PTPRD: variants seen among roughly 807,000 people sequenced by gnomAD.
PTPRD encodes the protein protein tyrosine phosphatase receptor type D, also known as receptor-type tyrosine-protein phosphatase delta.
PTPRD carries 34 observed loss-of-function variants against 214.5 expected under a neutral mutation model. That is an observed-to-expected ratio of 0.16 (90% CI 0.12 to 0.21). The LOEUF (loss-of-function observed/expected upper bound fraction) is 0.21. Ranked by LOEUF, PTPRD falls within the 10% of genes least tolerant of loss-of-function variation. PTPRD has a pLI of 1.00. For missense variants in PTPRD, 2,545 were observed against 2,398.7 expected, an observed-to-expected ratio of 1.06 and a Z score of -1.27; for synonymous variants, 1,128 against 845.7, an observed-to-expected ratio of 1.33 and a Z score of -5.79.
intron 9 of PTPRD, among the ~76,000 whole-genome samples, chr9:9,339,670 A>G (rs1296722808): frequency 6.6e-6 from 1 of 152,204 alleles, no homozygotes; most frequent in Non-Finnish European, 1.5e-5. Flanking sequence ...CTTAATTACC[A>G]AGAAACACTT....
intron 10 of PTPRD, among the ~76,000 whole-genome samples, chr9:9,047,946 T>C (rs2099676302): frequency 6.6e-6 from 1 of 151,824 alleles, no homozygotes; most frequent in Non-Finnish European, 1.5e-5. Flanking sequence ...AAAAGAAACC[T>C]CACAGAATGG....
intron 2 of PTPRD, among the ~76,000 whole-genome samples, chr9:10,453,192 C>G (rs1472871783): frequency 6.6e-6 from 1 of 151,676 alleles, no homozygotes; most frequent in Non-Finnish European, 1.5e-5. Context: ...TGTTTTCATA[C>G]CAATACCATA....
intron 19 of PTPRD, among the ~76,000 whole-genome samples, chr9:8,522,739 T>C (rs768003971): frequency 9.2e-5 from 14 of 152,174 alleles, no homozygotes; most frequent in Admixed American, 2.6e-4. Context: ...GAAAGATAAA[T>C]TGGTTTCATC....
At chr9:9,032,481 A>T (rs1044012405) in intron 10 of PTPRD, among the ~76,000 whole-genome samples, 2 of 152,010 alleles carry the variant, frequency 1.3e-5, no homozygotes, top group Non-Finnish European at 2.9e-5. Context: ...ATGGAGCAAA[A>T]ATAATTATGA....
chr9:9,558,326 T>C (rs2082037161), intron 8 of PTPRD, among the ~76,000 whole-genome samples: 1 of 152,190 alleles, frequency 6.6e-6, no homozygotes, highest in South Asian at 2.1e-4. Context: ...ACATCTGTGC[T>C]CTAAACTCAC....
intron 7 of PTPRD, among the ~76,000 whole-genome samples, chr9:9,705,180 A>C (rs2097575977): frequency 6.6e-6 from 1 of 152,234 alleles, no homozygotes; most frequent in Non-Finnish European, 1.5e-5. Context: ...ATATATTCAT[A>C]GAATTGCATA....
rs572765594 is a variant in PTPRD at position 9,112,841 on chromosome 9, G to A, written c.-143+70463C>T. Among the ~76,000 whole-genome samples, 108 of 152,104 alleles carry A rather than the reference G, an allele frequency of 7.1e-4. 1 individual carries two copies. Among genetic ancestry groups the A allele is most frequent in the African/African-American group, 2.5e-3 (102 of 41,496 alleles). ...CATGGGACCATAGCAAATATGTTTC[G>A]TATCTCTTGAATTACTTTAGCAGGT... On this transcript the variant is annotated intron_variant, in intron 10 of 45. Transcript: ENST00000381196.
intron 3 of PTPRD, among the ~76,000 whole-genome samples, chr9:10,060,048 C>T (rs1466674608): frequency 2.0e-5 from 3 of 151,974 alleles, no homozygotes; most frequent in Non-Finnish European, 4.4e-5. Context: ...TTAGATGCTT[C>T]CGATATTCTA....
intron 9 of PTPRD, among the ~76,000 whole-genome samples, chr9:9,257,776 C>G (rs542519190): frequency 6.6e-6 from 1 of 151,856 alleles, no homozygotes; most frequent in Non-Finnish European, 1.5e-5. Context: ...AAAATGAGAC[C>G]CTGTCTCAAT....
chr9:10,316,124 T>C (rs891031811), intron 3 of PTPRD, among the ~76,000 whole-genome samples: 3 of 148,140 alleles, frequency 2.0e-5, no homozygotes, highest in Non-Finnish European at 4.5e-5. Flanking sequence ...TATATATATA[T>C]ATATACATAT....
intron 2 of PTPRD, among the ~76,000 whole-genome samples, chr9:10,362,664 G>A (rs544524606): frequency 6.6e-6 from 1 of 152,112 alleles, no homozygotes; most frequent in Admixed American, 6.5e-5. Context: ...GGCAGATCAC[G>A]AGGTCAGGAG....
At chr9:8,910,088 G>C (rs2098736816) in intron 11 of PTPRD, among the ~76,000 whole-genome samples, 1 of 151,718 alleles carries the variant, frequency 6.6e-6, no homozygotes, top group Non-Finnish European at 1.5e-5. Context: ...GTCCAGGCTG[G>C]AGTGCAGTGG....
At chr9:9,634,741 ACTAC>A (rs1290257234) in intron 7 of PTPRD, among the ~76,000 whole-genome samples, 4 of 152,216 alleles carry the variant, frequency 2.6e-5, no homozygotes, top group African/African-American at 9.6e-5. Flanking sequence ...TTCTGTGCAT[ACTAC>A]GTATATATTT....
intron 14 of PTPRD, among the ~76,000 whole-genome samples, chr9:8,583,393 C>T (rs2093357478): frequency 6.6e-6 from 1 of 152,160 alleles, no homozygotes; most frequent in Non-Finnish European, 1.5e-5. Context: ...GCCATGTTGC[C>T]AGGCTGGACT....
chr9:10,585,108 G>A (rs2073463707), intron 2 of PTPRD, among the ~76,000 whole-genome samples: 1 of 152,026 alleles, frequency 6.6e-6, no homozygotes, highest in East Asian at 1.9e-4. Context: ...ACACAATATT[G>A]ATATTTAGTA....
At chr9:9,186,137 A>G (rs1015693524) in intron 9 of PTPRD, among the ~76,000 whole-genome samples, 3 of 152,146 alleles carry the variant, frequency 2.0e-5, no homozygotes, top group Non-Finnish European at 4.4e-5. Flanking sequence ...ATAAATTCTC[A>G]TGAACAGAAG....
At chr9:10,293,425 T>C (rs922896958) in intron 3 of PTPRD, among the ~76,000 whole-genome samples, 3 of 151,852 alleles carry the variant, frequency 2.0e-5, no homozygotes, top group Admixed American at 6.6e-5. Context: ...GAGGAGGAGA[T>C]CCAGCATTTG....
At chr9:10,258,673 C>A (rs192646546) in intron 3 of PTPRD, among the ~76,000 whole-genome samples, 1 of 152,068 alleles carries the variant, frequency 6.6e-6, no homozygotes, top group Admixed American at 6.5e-5. Flanking sequence ...TATAGAAATA[C>A]CAAATTTGTA....
intron 14 of PTPRD, among the ~76,000 whole-genome samples, chr9:8,629,177 T>C (rs1185900063): frequency 1.3e-5 from 2 of 151,794 alleles, no homozygotes; most frequent in Admixed American, 6.6e-5. Context: ...GATTCAAAGT[T>C]GATTAAATGG....
Sources: gnomAD v4.1 joint callset for allele counts (sites outside exome capture counted in the v4.1 genomes callset) on GRCh38, gnomAD v4.1.1 for gene constraint, MANE v1.5 for transcripts, NCBI Gene and HGNC (gene_info 2026-07-23, HGNC 2026-07-21) for gene names.